The following TPO variants were observed in gnomAD, a reference collection of about 807,000 sequenced individuals.
TPO encodes thyroid microsomal antigen.
A neutral mutation model predicts 96.9 loss-of-function variants in TPO; 78 were observed. The ratio of observed to expected loss-of-function variants is 0.81; its 90% CI spans 0.67 to 0.97. TPO has a LOEUF of 0.97. TPO is among the 50% of genes least tolerant of loss of function. The probability of loss-of-function intolerance (pLI) is 0.00; values close to 1 mark genes in which losing one functional copy is unlikely to be tolerated. For synonymous variants in TPO, 547 were observed against 538.0 expected, an observed-to-expected ratio of 1.02 and a Z score of -0.23; for missense variants, 1,252 against 1,274.8, an observed-to-expected ratio of 0.98 and a Z score of 0.27.
Position 1,487,967 on chromosome 2 carries a change from A to C in TPO, c.1744A>C (p.Arg582=), listed in dbSNP as rs1558349777. Residue 582 remains arginine, a synonymous_variant, in exon 10 of 17, where the codon AGG becomes CGG. Transcript: ENST00000329066. The part of the protein sequence containing the change: ...TLDLASINLQ[R]GRDHGLPGYN... Reference sequence around the variant, plus strand: ...GGATCTGGCGTCCATCAACCTGCAGAGGGGCCGGGACCACGGGCTGCCAGG... The same window carrying C: ...GGATCTGGCGTCCATCAACCTGCAGCGGGGCCGGGACCACGGGCTGCCAGG... 1 of 1,613,692 alleles carries C rather than the reference A, an allele frequency of 6.2e-7. No homozygotes were observed. The highest frequency in any genetic ancestry group is 8.5e-7 in the Non-Finnish European group (1 of 1,180,030).
intron 15 of TPO, 117 bp downstream of exon 15, chr2:1,517,099 A>C: frequency 1.7e-4 from 167 of 996,802 alleles, no homozygotes; most frequent in Non-Finnish European, 2.3e-4. Context: ...CTGGTATCTC[A>C]AAGGCATTGA....
At chr2:1,514,002 G>C (rs952512568) in intron 14 of TPO, among the ~76,000 whole-genome samples, 2 of 152,172 alleles carry the variant, frequency 1.3e-5, no homozygotes, top group Non-Finnish European at 2.9e-5. Flanking sequence ...TGTGCTTCTA[G>C]CTCTATGTAC....
In TPO at chr2:1,477,384, C is replaced by T. The variant is rs1427608549; in HGVS notation, c.1118C>T (p.Ala373Val). ...YLPFVPPRAP[A>V]ACAPEPGIPG... ...CCCTTCGTGCCGCCACGCGCGCCTG[C>T]GGCCTGTGCGCCCGAGCCCGGCATC... The change falls in exon 8 of 17, where the codon GCG becomes GTG. Residue 373 changes from alanine to valine, a missense_variant. Ala to Val is a moderately conservative substitution (Grantham distance 64, BLOSUM62 0). Transcript: ENST00000329066. 3 of 1,528,432 alleles carry T rather than the reference C, an allele frequency of 2.0e-6. No individual in the cohort carries two copies. Among genetic ancestry groups the T allele is most frequent in the East Asian group, 2.5e-5 (1 of 40,182 alleles). 94.7% of individuals were successfully genotyped at this position (1,528,432 alleles called of 1,614,324 possible). A position where few individuals can be genotyped will look rare whatever the true frequency, so the allele number is the denominator to read the frequency against.
Position 1,400,989 on chromosome 2 carries a change from G to A in TPO, n.180+26587G>A, listed in dbSNP as rs77079830. On this transcript the variant is annotated intron_variant and non_coding_transcript_variant, in intron 1 of 5. Transcript: ENST00000497517. Reference sequence around the variant, plus strand: ...TCGTGGCCTGAAGTAACTGTTGTGCGTCATAGTCTCCTGTGCTGACTTTCC... The same window carrying A: ...TCGTGGCCTGAAGTAACTGTTGTGCATCATAGTCTCCTGTGCTGACTTTCC... Among the ~76,000 whole-genome samples, 11 of 152,264 alleles carry A rather than the reference G, an allele frequency of 7.2e-5. No homozygotes were observed. In the East Asian group the frequency reaches 2.1e-3, roughly 29 times the overall value.
At chr2:1,421,789 G>A (rs1443132345) in intron 2 of TPO, among the ~76,000 whole-genome samples, 1 of 152,118 alleles carries the variant, frequency 6.6e-6, no homozygotes, top group Non-Finnish European at 1.5e-5. Context: ...ACCTGCCACC[G>A]ATCCTGCGAC....
intron 1 of TPO, among the ~76,000 whole-genome samples, chr2:1,381,098 T>C (rs576006812): frequency 3.2e-4 from 48 of 152,300 alleles, no homozygotes; most frequent in Admixed American, 9.2e-4. Context: ...ATTCAGGACA[T>C]AGGCATGGGC....
At chr2:1,495,784 T>A (rs996432888) in intron 11 of TPO, among the ~76,000 whole-genome samples, 7 of 147,022 alleles carry the variant, frequency 4.8e-5, no homozygotes, top group African/African-American at 1.8e-4. Context: ...ACCTGAGTGG[T>A]CCCGGGTGCT....
chr2:1,524,462 CA>C (rs1675955251), intron 15 of TPO, among the ~76,000 whole-genome samples: 1 of 113,988 alleles, frequency 8.8e-6, no homozygotes, highest in Non-Finnish European at 1.8e-5. Flanking sequence ...TGCAACCCCC[CA>C]AATCCCACCC....
chr2:1,400,298 G>C (rs952286158), intron 1 of TPO, among the ~76,000 whole-genome samples: 1 of 152,112 alleles, frequency 6.6e-6, no homozygotes, highest in African/African-American at 2.4e-5. Flanking sequence ...TTTGAGACCA[G>C]CCTGGCCAAC....
intron 6 of TPO, among the ~76,000 whole-genome samples, 171 bp from the exon 7 acceptor site, chr2:1,455,905 T>A (rs528791137): frequency 6.6e-6 from 1 of 152,288 alleles, no homozygotes; most frequent in East Asian, 1.9e-4. Flanking sequence ...CAGGGGCATC[T>A]GTCTTCAAAG....
chr2:1,376,547 G>C (rs555203738), intron 1 of TPO, among the ~76,000 whole-genome samples: 1 of 152,134 alleles, frequency 6.6e-6, no homozygotes, highest in Non-Finnish European at 1.5e-5. Context: ...GAGCACCAGC[G>C]TGGGGCTGAG....
intron 1 of TPO, among the ~76,000 whole-genome samples, chr2:1,403,731 A>G (rs1486573771): frequency 6.6e-6 from 1 of 152,140 alleles, no homozygotes; most frequent in Non-Finnish European, 1.5e-5. Context: ...AGATGGCTCC[A>G]TCTCCCTCCT....
chr2:1,519,121 G>T (rs1307061361), intron 15 of TPO, among the ~76,000 whole-genome samples: 2 of 152,220 alleles, frequency 1.3e-5, no homozygotes, highest in Non-Finnish European at 2.9e-5. Flanking sequence ...GAGGCCGGGG[G>T]AGCCGCCTGC....
At chr2:1,437,843 G>A (rs967777951) in intron 5 of TPO, among the ~76,000 whole-genome samples, 1 of 152,126 alleles carries the variant, frequency 6.6e-6, no homozygotes, top group African/African-American at 2.4e-5. Context: ...CCTGGGGGGG[G>A]GTCTGTGCCT....
chr2:1,527,821 A>C (rs1676943767), intron 15 of TPO, among the ~76,000 whole-genome samples: 1 of 138,622 alleles, frequency 7.2e-6, no homozygotes, highest in Non-Finnish European at 1.5e-5. Context: ...AACCTCCTCA[A>C]ATCCCCATAC....
At chr2:1,494,120 C>G in intron 11 of TPO, 81 bp downstream of exon 11, 2 of 1,364,458 alleles carry the variant, frequency 1.5e-6, no homozygotes, top group Non-Finnish European at 2.1e-6. Context: ...CCAGCCAGAC[C>G]TGCATTCACA....
At chr2:1,495,706 G>C (rs564052814) in intron 11 of TPO, among the ~76,000 whole-genome samples, 2 of 152,322 alleles carry the variant, frequency 1.3e-5, no homozygotes, top group Admixed American at 6.5e-5. Flanking sequence ...ACCTGCACCT[G>C]AGTGGTCCCG....
intron 7 of TPO, among the ~76,000 whole-genome samples, chr2:1,457,325 A>G (rs748668317): frequency 3.1e-4 from 36 of 114,816 alleles, no homozygotes; most frequent in African/African-American, 9.3e-4. Context: ...GTGGGTACAC[A>G]TATATATAGC....
At chr2:1,391,962 C>T (rs1353455895) in intron 1 of TPO, among the ~76,000 whole-genome samples, 1 of 152,152 alleles carries the variant, frequency 6.6e-6, no homozygotes, top group Non-Finnish European at 1.5e-5. Context: ...CATCTGCGAA[C>T]AGGGACAATT....
Sources: gnomAD v4.1 joint callset for allele counts (sites outside exome capture counted in the v4.1 genomes callset) on GRCh38, gnomAD v4.1.1 for gene constraint, MANE v1.5 for transcripts, NCBI Gene and HGNC (gene_info 2026-07-23, HGNC 2026-07-21) for gene names.